The following TRAPPC9 variants were observed in gnomAD, a reference collection of about 807,000 sequenced individuals.
The protein encoded by TRAPPC9 is IKK2 binding protein.
A neutral mutation model predicts 124.0 loss-of-function variants in TRAPPC9; 83 were observed. That is an observed-to-expected ratio of 0.67 (90% CI 0.56 to 0.80). TRAPPC9 has a LOEUF of 0.80. Among genes scored for constraint, TRAPPC9 ranks in the 30% least tolerant of loss-of-function variants. The pLI is 0.00. For synonymous variants in TRAPPC9, 638 were observed against 617.5 expected (o/e 1.03, Z -0.49); for missense variants, 1,302 against 1,508.3 (o/e 0.86, Z 2.27).
intron 17 of TRAPPC9, among the ~76,000 whole-genome samples, chr8:140,028,430 T>C (rs1415598703): frequency 2.0e-5 from 3 of 152,228 alleles, no homozygotes; most frequent in Admixed American, 6.5e-5. Flanking sequence ...CCATGCCAAG[T>C]GCTGCACTGA....
At chr8:140,328,994 G>A (rs1441360537) in intron 9 of TRAPPC9, among the ~76,000 whole-genome samples, 1 of 152,172 alleles carries the variant, frequency 6.6e-6, no homozygotes, top group African/African-American at 2.4e-5. Context: ...AGCAGCTCCA[G>A]CAGGTTGAGT....
At chr8:139,849,245 G>C (rs767165250) in intron 21 of TRAPPC9, among the ~76,000 whole-genome samples, 13 of 152,214 alleles carry the variant, frequency 8.5e-5, no homozygotes, top group Non-Finnish European at 1.8e-4. Context: ...TGGGAGGTGG[G>C]TGATGTGGGT....
chr8:139,968,096 C>T (rs987684051), intron 19 of TRAPPC9, among the ~76,000 whole-genome samples: 2 of 151,648 alleles, frequency 1.3e-5, no homozygotes, highest in Admixed American at 1.3e-4. Flanking sequence ...CTGCAGTGAG[C>T]CAAGATCGCA....
Position 140,009,683 on chromosome 8 carries a change from T to A in TRAPPC9, c.2699+14254A>T, listed in dbSNP as rs1212106830. Reference sequence around the variant, plus strand: ...CAGAATTACTGCGGCAGGACTGACATCCACTCCCGCCCGTGGCGCAACAGC... The same window carrying A: ...CAGAATTACTGCGGCAGGACTGACAACCACTCCCGCCCGTGGCGCAACAGC... On this transcript the variant is annotated intron_variant, in intron 18 of 22. Coordinates refer to ENST00000438773, the MANE Select transcript of TRAPPC9 (RefSeq NM_001160372.4). Among the ~76,000 whole-genome samples, 4 of 152,192 alleles carry A rather than the reference T, an allele frequency of 2.6e-5. No individual in the cohort carries two copies. The East Asian group carries it at 5.8e-4, about 22-fold the overall frequency.
chr8:140,307,580 T>C (rs1251649507), intron 10 of TRAPPC9, among the ~76,000 whole-genome samples: 9 of 152,208 alleles, frequency 5.9e-5, no homozygotes, highest in Non-Finnish European at 2.9e-5. Flanking sequence ...CACTGTTGGC[T>C]GGCTGACCAA....
At chr8:139,940,719 A>C (rs894145292) in intron 19 of TRAPPC9, among the ~76,000 whole-genome samples, 1 of 152,132 alleles carries the variant, frequency 6.6e-6, no homozygotes, top group African/African-American at 2.4e-5. Context: ...GAGAGGAGCC[A>C]CAGGCACCTT....
At chr8:140,180,978 T>G (rs2062187735) in intron 17 of TRAPPC9, among the ~76,000 whole-genome samples, 1 of 152,240 alleles carries the variant, frequency 6.6e-6, no homozygotes, top group Non-Finnish European at 1.5e-5. Flanking sequence ...TAAGACCTCA[T>G]GCATGCATTT....
At chr8:139,781,923 G>C (rs1313873527) in intron 21 of TRAPPC9, among the ~76,000 whole-genome samples, 4 of 152,104 alleles carry the variant, frequency 2.6e-5, no homozygotes, top group Non-Finnish European at 5.9e-5. Context: ...ACAAACAGAA[G>C]ATGATATACT....
chr8:139,790,956 G>A (rs1035794792), intron 21 of TRAPPC9, among the ~76,000 whole-genome samples: 11 of 152,002 alleles, frequency 7.2e-5, no homozygotes, highest in African/African-American at 2.4e-4. Context: ...TATTGTGCCC[G>A]CTCTACCTTC....
chr8:139,779,678 A>G (rs1383670770), intron 21 of TRAPPC9, among the ~76,000 whole-genome samples: 3 of 152,150 alleles, frequency 2.0e-5, no homozygotes, highest in African/African-American at 7.2e-5. Context: ...CTCAAATGCA[A>G]CCACTAAGAT....
intron 15 of TRAPPC9, among the ~76,000 whole-genome samples, chr8:140,275,237 AG>A (rs2065075472): frequency 6.6e-6 from 1 of 152,204 alleles, no homozygotes; most frequent in Non-Finnish European, 1.5e-5. Context: ...ACTTCAGCAC[AG>A]GTCCCCTGAC....
At chr8:140,214,711 C>A (rs1028302349) in intron 17 of TRAPPC9, among the ~76,000 whole-genome samples, 10 of 152,190 alleles carry the variant, frequency 6.6e-5, no homozygotes, top group Admixed American at 2.6e-4. Flanking sequence ...ATCCAATTCA[C>A]ACAGTCCCTA....
chr8:140,413,117 G>A (rs541629351), intron 5 of TRAPPC9, among the ~76,000 whole-genome samples: 11 of 152,268 alleles, frequency 7.2e-5, no homozygotes, highest in African/African-American at 2.2e-4. Context: ...GGTCGGGCAC[G>A]GTGGCTCACG....
At chr8:139,872,968 T>A (rs150841212) in intron 21 of TRAPPC9, among the ~76,000 whole-genome samples, 2,641 of 2,662 alleles carry the variant, frequency 0.99, 1,320 homozygotes, top group Middle Eastern at 1. Flanking sequence ...AAATGGTTGG[T>A]TTGGTGGATA....
chr8:140,407,507 A>G (rs1385165876), intron 5 of TRAPPC9, among the ~76,000 whole-genome samples: 1 of 152,070 alleles, frequency 6.6e-6, no homozygotes, highest in Non-Finnish European at 1.5e-5. Context: ...TGATCAAAGC[A>G]TAAGAGGGAA....
rs768166763 is a variant in TRAPPC9 at position 140,126,915 on chromosome 8, G to T, written c.2556+94544C>A. 3.9e-5 allele frequency among the ~76,000 whole-genome samples: 6 copies of T among 152,150 alleles called. No homozygotes were observed. The South Asian group carries it at 1.2e-3, about 32-fold the overall frequency. On this transcript the variant is annotated intron_variant, in intron 17 of 22. Transcript: ENST00000438773. Reference sequence around the variant, plus strand: ...GTTCGCAGCTTCATGGCACACCACTGACAGCCATGAGCTCTCATCCTCACC... The same window carrying T: ...GTTCGCAGCTTCATGGCACACCACTTACAGCCATGAGCTCTCATCCTCACC...
At chr8:140,140,399 G>A (rs1174891968) in intron 17 of TRAPPC9, among the ~76,000 whole-genome samples, 1 of 152,156 alleles carries the variant, frequency 6.6e-6, no homozygotes, top group Admixed American at 6.5e-5. Context: ...TCCTACTGGT[G>A]TTGTGTGGTG....
At chr8:139,928,993 C>T (rs965686103) in intron 19 of TRAPPC9, among the ~76,000 whole-genome samples, 4 of 152,008 alleles carry the variant, frequency 2.6e-5, no homozygotes, top group African/African-American at 7.2e-5. Flanking sequence ...GAGACGTGTG[C>T]GTGGGCGCGG....
intron 15 of TRAPPC9, among the ~76,000 whole-genome samples, chr8:140,256,059 T>A (rs1048680621): frequency 6.6e-6 from 1 of 152,200 alleles, no homozygotes. Flanking sequence ...GCCACTCTAA[T>A]TACAGGATAA....
Sources: allele counts gnomAD v4.1 joint callset (sites outside exome capture counted in the v4.1 genomes callset), GRCh38; gene constraint gnomAD v4.1.1; transcripts MANE v1.5; gene names NCBI Gene and HGNC (gene_info 2026-07-23, HGNC 2026-07-21).